The following COL22A1 variants were observed in gnomAD, a reference collection of about 807,000 sequenced individuals.
The protein encoded by COL22A1 is collagen alpha-1(XXII) chain.
A neutral mutation model predicts 248.9 loss-of-function variants in COL22A1; 221 were observed. The observed-to-expected ratio is 0.89, with a 90% CI of 0.80 to 0.99. The LOEUF (loss-of-function observed/expected upper bound fraction) is 0.99. Among genes scored for constraint, COL22A1 ranks in the 50% least tolerant of loss-of-function variants. The pLI, the probability that COL22A1 is intolerant of heterozygous loss-of-function variation, is 0.00. For missense variants in COL22A1, 2,240 were observed against 2,179.0 expected, an observed-to-expected ratio of 1.03 and a Z score of -0.56; for synonymous variants, 891 against 793.4, an observed-to-expected ratio of 1.12 and a Z score of -2.07.
Position 138,899,602 on chromosome 8 carries a change from C to A in COL22A1, c.-73+14017G>T, listed in dbSNP as rs189989604. ...GCAGTGGGACAATCTTGGCTCACTG[C>A]AGCCTCCACCCCTTGGGTTCAAGTG... On this transcript the variant is annotated intron_variant, in intron 1 of 64. Transcript: ENST00000303045. Among the ~76,000 whole-genome samples, 13 of 152,212 alleles carry A rather than the reference C, an allele frequency of 8.5e-5. No homozygotes were observed. In the East Asian group the frequency reaches 2.5e-3, roughly 29 times the overall value.
Position 138,589,142 on chromosome 8 carries a change from GAA to G in COL22A1, c.*109_*110del. 5 of 901,542 alleles carry G rather than the reference GAA, an allele frequency of 5.5e-6. No individual in the cohort carries two copies. Among genetic ancestry groups the G allele is most frequent in the South Asian group, 1.8e-5 (1 of 55,716 alleles). The allele number at this position is 901,542 out of a possible 1,614,324, so 55.8% of individuals were successfully genotyped here. ...AACAAAAAGCAAACGATAAAAGAAA[GAA>G]AAAAAAAAGGAACACATGGCTGAAG... On this transcript the variant is annotated 3_prime_UTR_variant, in exon 65 of 65. Coordinates refer to ENST00000303045, the MANE Select transcript of COL22A1 (RefSeq NM_152888.3).
At chr8:138,849,501 A>G (rs1381677718) in intron 3 of COL22A1, among the ~76,000 whole-genome samples, 1 of 152,244 alleles carries the variant, frequency 6.6e-6, no homozygotes, top group Non-Finnish European at 1.5e-5. Flanking sequence ...TGCAGGTGGC[A>G]ACGTCAGCAT....
At chr8:138,902,192 C>T (rs1417981535) in intron 1 of COL22A1, among the ~76,000 whole-genome samples, 2 of 152,280 alleles carry the variant, frequency 1.3e-5, no homozygotes, top group East Asian at 1.9e-4. Context: ...ATGAAGCTTT[C>T]GTGGCAAAGG....
intron 43 of COL22A1, 130 bp downstream of exon 43, chr8:138,661,900 T>A (rs1381001797): frequency 3.5e-6 from 2 of 578,412 alleles, no homozygotes; most frequent in African/African-American, 1.9e-5. Context: ...TCCATGGGGC[T>A]TCCTGGAAAT....
At chr8:138,762,561 G>T in intron 16 of COL22A1, 95 bp from the exon 17 acceptor site, 1 of 1,228,690 alleles carries the variant, frequency 8.1e-7, no homozygotes. Flanking sequence ...GGACAAGGAG[G>T]GTGGGGAAAA....
intron 4 of COL22A1, among the ~76,000 whole-genome samples, chr8:138,835,397 C>T (rs1485206896): frequency 3.3e-5 from 5 of 152,236 alleles, no homozygotes; most frequent in African/African-American, 1.2e-4. Flanking sequence ...GTGAGTGATT[C>T]AGCATCTCTG....
At chr8:138,712,184 G>C (rs1051281514) in intron 30 of COL22A1, among the ~76,000 whole-genome samples, 4 of 152,144 alleles carry the variant, frequency 2.6e-5, no homozygotes, top group Non-Finnish European at 4.4e-5. Context: ...GCAAACCAAG[G>C]CACAGGAAGG....
At chr8:138,666,214 A>G (rs1824491523) in intron 41 of COL22A1, among the ~76,000 whole-genome samples, 2 of 152,192 alleles carry the variant, frequency 1.3e-5, no homozygotes, top group Non-Finnish European at 2.9e-5. Context: ...TCAGAATTCT[A>G]TCTCATTCCA....
At chr8:138,591,646 C>T (rs78417548) in intron 63 of COL22A1, 145 bp from the exon 64 acceptor site, 13,694 of 497,256 alleles carry the variant, frequency 0.028, 637 homozygotes, top group East Asian at 0.19. Context: ...ACACTCATGC[C>T]GCACAGGACC....
chr8:138,865,714 A>AGT (rs1206266453), intron 3 of COL22A1, among the ~76,000 whole-genome samples: 16 of 103,696 alleles, frequency 1.5e-4, no homozygotes, highest in African/African-American at 5.0e-4. Context: ...CCTGTGTATG[A>AGT]GTGTATGTGT....
At chr8:138,702,272 G>A (rs1373993373) in intron 31 of COL22A1, among the ~76,000 whole-genome samples, 1 of 152,200 alleles carries the variant, frequency 6.6e-6, no homozygotes, top group Non-Finnish European at 1.5e-5. Flanking sequence ...AATTTGATAT[G>A]ACTAATTCCG....
At chr8:138,624,840 T>C (rs1216108551) in intron 51 of COL22A1, among the ~76,000 whole-genome samples, 1 of 152,176 alleles carries the variant, frequency 6.6e-6, no homozygotes, top group Non-Finnish European at 1.5e-5. Flanking sequence ...TCAGATACTG[T>C]AGGAGAAAAA....
intron 3 of COL22A1, among the ~76,000 whole-genome samples, chr8:138,850,981 T>A (rs1313447223): frequency 1.3e-5 from 2 of 152,186 alleles, no homozygotes; most frequent in Non-Finnish European, 2.9e-5. Context: ...AAGGAACAAG[T>A]GCAAACACAT....
intron 25 of COL22A1, among the ~76,000 whole-genome samples, chr8:138,723,387 C>T (rs1586573616): frequency 1.3e-5 from 2 of 152,264 alleles, no homozygotes; most frequent in Middle Eastern, 3.4e-3. Flanking sequence ...CTGCCTGAGT[C>T]AATGAAAGCA....
chr8:138,827,089 T>G, intron 5 of COL22A1: 1 of 344,262 alleles, frequency 2.9e-6, no homozygotes, highest in South Asian at 3.4e-5. Flanking sequence ...CGCTAAATGG[T>G]CACGCCCCCG....
chr8:138,653,862 TC>T (rs1319180421), intron 45 of COL22A1, among the ~76,000 whole-genome samples: 1 of 152,084 alleles, frequency 6.6e-6, no homozygotes, highest in African/African-American at 2.4e-5. Context: ...CATAGTCTGT[TC>T]CCCAGACCTG....
At chr8:138,623,893 C>CTGTGAAGGCA in intron 51 of COL22A1, 108 bp from the exon 52 acceptor site, 2 of 892,922 alleles carry the variant, frequency 2.2e-6, no homozygotes, top group Non-Finnish European at 3.5e-6. Context: ...CAGTTGCCTT[C>CTGTGAAGGCA]ACAGTTGGCA....
At chr8:138,763,461 G>T (rs1273846738) in intron 16 of COL22A1, among the ~76,000 whole-genome samples, 1 of 152,162 alleles carries the variant, frequency 6.6e-6, no homozygotes, top group Non-Finnish European at 1.5e-5. Context: ...TAGGTAGTGA[G>T]TCAGTGCCAT....
chr8:138,680,263 C>T (rs1346001386), intron 39 of COL22A1, among the ~76,000 whole-genome samples: 3 of 152,156 alleles, frequency 2.0e-5, no homozygotes, highest in Non-Finnish European at 4.4e-5. Context: ...ATTTATTGAG[C>T]AACAGCTGTG....
Sources: gnomAD v4.1 joint callset for allele counts (sites outside exome capture counted in the v4.1 genomes callset) on GRCh38, gnomAD v4.1.1 for gene constraint, MANE v1.5 for transcripts, NCBI Gene and HGNC (gene_info 2026-07-23, HGNC 2026-07-21) for gene names.